The following PSD3 variants were observed in gnomAD, a reference collection of about 807,000 sequenced individuals.
PSD3 encodes PH and SEC7 domain-containing protein 3.
Under a neutral mutation model 105.5 loss-of-function variants are expected in PSD3, and 49 were observed. That is an observed-to-expected ratio of 0.46 (90% CI 0.37 to 0.59). The LOEUF (loss-of-function observed/expected upper bound fraction) is 0.59. PSD3 is among the 20% of genes least tolerant of loss of function. PSD3 has a pLI of 0.00. For synonymous variants in PSD3, 557 were observed against 457.8 expected (o/e 1.22, Z -2.77); for missense variants, 1,561 against 1,263.8 (o/e 1.24, Z -3.57).
chr8:18,996,771 C>T (rs546040432), intron 1 of PSD3, among the ~76,000 whole-genome samples: 6 of 151,846 alleles, frequency 4.0e-5, no homozygotes, highest in East Asian at 3.9e-4. Context: ...TTGATGTTTC[C>T]GTTTCTCTAC....
chr8:18,849,258 A>T (rs1250590440), intron 4 of PSD3: 1 of 152,196 alleles, frequency 6.6e-6, no homozygotes, highest in East Asian at 1.9e-4. Context: ...AATCACAGAC[A>T]ATTACTCATT....
chr8:18,614,370 A>G (rs994656099), intron 11 of PSD3, among the ~76,000 whole-genome samples: 2 of 140,730 alleles, frequency 1.4e-5, no homozygotes, highest in Non-Finnish European at 3.1e-5. Flanking sequence ...GATGTCCTAA[A>G]CTAGCATGTA....
At chr8:18,881,591 T>A (rs1239561167) in intron 2 of PSD3, among the ~76,000 whole-genome samples, 1 of 152,186 alleles carries the variant, frequency 6.6e-6, no homozygotes, top group Non-Finnish European at 1.5e-5. Context: ...CATGCGGGAT[T>A]CTCAGCAACA....
At chr8:18,748,617 G>A (rs1020754205) in intron 9 of PSD3, among the ~76,000 whole-genome samples, 11 of 138,348 alleles carry the variant, frequency 8.0e-5, no homozygotes, top group Admixed American at 1.6e-4. Flanking sequence ...CTGAGATCGC[G>A]CCACTGCACT....
intron 12 of PSD3, among the ~76,000 whole-genome samples, chr8:18,575,693 A>G (rs1467114666): frequency 7.9e-5 from 12 of 152,216 alleles, no homozygotes; most frequent in Non-Finnish European, 1.6e-4. Context: ...GGTAACTGTC[A>G]ACAGAATTAT....
chr8:19,073,310 G>A (rs2129478015), intron 1 of PSD3, among the ~76,000 whole-genome samples: 1 of 152,188 alleles, frequency 6.6e-6, no homozygotes, highest in African/African-American at 2.4e-5. Context: ...CAGTACTCTG[G>A]GAGGCCAAGG....
At chr8:18,836,476 A>G (rs1814117836) in intron 4 of PSD3, among the ~76,000 whole-genome samples, 1 of 152,236 alleles carries the variant, frequency 6.6e-6, no homozygotes, top group Admixed American at 6.5e-5. Flanking sequence ...GCATATATTA[A>G]TACTAAAATG....
At chr8:18,616,685 G>A (rs993368863) in intron 11 of PSD3, among the ~76,000 whole-genome samples, 9 of 140,952 alleles carry the variant, frequency 6.4e-5, no homozygotes, top group Non-Finnish European at 1.1e-4. Context: ...GTGCAGTGGC[G>A]GGATCTCGGC....
At chr8:18,885,149 C>T (rs1818375350) in intron 2 of PSD3, among the ~76,000 whole-genome samples, 1 of 152,194 alleles carries the variant, frequency 6.6e-6, no homozygotes, top group Admixed American at 6.5e-5. Context: ...CTTCTCCTTT[C>T]AGCCTTTTAC....
At chr8:18,936,009 G>A (rs1409589366) in intron 2 of PSD3, 25 bp downstream of exon 2, 1 of 1,436,586 alleles carries the variant, frequency 7.0e-7, no homozygotes, top group Admixed American at 1.7e-5. Flanking sequence ...GTTTACCTGG[G>A]AGAGGGATAT....
chr8:18,556,279 G>C lies in PSD3; in HGVS notation c.2858C>G (p.Pro953Arg), dbSNP rs1801068137. 6.2e-7 allele frequency: 1 copy of C among 1,613,994 alleles called. No individual in the cohort carries two copies. Among genetic ancestry groups the C allele is most frequent in the African/African-American group, 1.3e-5 (1 of 74,992 alleles). Residue 953 changes from proline to arginine, a missense_variant, in exon 15 of 16, where the codon CCC becomes CGC. By Grantham distance (103) the Pro-to-Arg change is moderately radical. Transcript: ENST00000327040. ...TTELAEHRSY[P>R]PDKKVKAKDV... ...CTTGGCTTTGACCTTCTTGTCGGGGGGATATGAGCGGTGCTCGGCCAGCTC... is the reference window on the plus strand; with the variant it reads ...CTTGGCTTTGACCTTCTTGTCGGGGCGATATGAGCGGTGCTCGGCCAGCTC...
intron 4 of PSD3, among the ~76,000 whole-genome samples, chr8:18,821,694 C>CAG (rs1390541158): frequency 7.6e-6 from 1 of 130,744 alleles, no homozygotes; most frequent in Admixed American, 8.5e-5. Flanking sequence ...AACACACACA[C>CAG]ACACACACAC....
In PSD3 at chr8:19,074,501, A is replaced by G. The variant is rs1829381587; in HGVS notation, c.324+9705T>C. Among the ~76,000 whole-genome samples the G allele has an allele frequency of 2.0e-5, 3 of 149,702 alleles. No individual in the cohort carries two copies. In the Admixed American group the frequency reaches 2.0e-4, roughly 10 times the overall value. The stretch of plus-strand genomic sequence containing the variant: ...TGAAATATGTACTTCATTTCATGAC[A>G]TTGTATTGTTTTCCAAACATGTAGT... On this transcript the variant is annotated intron_variant, in intron 1 of 1. Transcript: ENST00000521475.
chr8:18,950,933 A>G (rs531356129), intron 1 of PSD3, among the ~76,000 whole-genome samples: 157 of 152,248 alleles, frequency 1.0e-3, no homozygotes, highest in African/African-American at 3.6e-3. Flanking sequence ...CCGAGCTGCA[A>G]TGGGTTACCT....
chr8:18,578,285 T>A (rs1802583001), intron 12 of PSD3, among the ~76,000 whole-genome samples: 1 of 152,108 alleles, frequency 6.6e-6, no homozygotes, highest in Non-Finnish European at 1.5e-5. Context: ...AACCATTCAC[T>A]TGGGTTGATA....
intron 10 of PSD3, among the ~76,000 whole-genome samples, chr8:18,650,097 T>C (rs1808365333): frequency 6.6e-6 from 1 of 152,214 alleles, no homozygotes; most frequent in Non-Finnish European, 1.5e-5. Flanking sequence ...AAAGCAGCAA[T>C]AAACATGAAA....
intron 2 of PSD3, among the ~76,000 whole-genome samples, chr8:18,916,347 T>TATAC (rs1820600765): frequency 3.7e-5 from 2 of 53,828 alleles, no homozygotes; most frequent in African/African-American, 1.5e-4. Flanking sequence ...TATATATATA[T>TATAC]ATACACACAC....
chr8:19,009,845 C>T (rs907679015), intron 1 of PSD3, among the ~76,000 whole-genome samples: 4 of 152,032 alleles, frequency 2.6e-5, no homozygotes, highest in African/African-American at 9.7e-5. Flanking sequence ...GAGCTGAGAT[C>T]GCACCATTGC....
intron 2 of PSD3, among the ~76,000 whole-genome samples, chr8:18,929,326 C>T (rs1047701644): frequency 9.9e-5 from 15 of 152,182 alleles, no homozygotes; most frequent in Admixed American, 7.9e-4. Flanking sequence ...GCCCAGAGGG[C>T]CACAGTTATC....
Sources: gnomAD v4.1 joint callset for allele counts (sites outside exome capture counted in the v4.1 genomes callset) on GRCh38, gnomAD v4.1.1 for gene constraint, MANE v1.5 for transcripts, NCBI Gene and HGNC (gene_info 2026-07-23, HGNC 2026-07-21) for gene names.